Variants in RBMS2 observed in about 807,000 individuals in gnomAD.
RBMS2 encodes the protein RNA binding motif single stranded interacting protein 2, also known as RNA-binding motif, single-stranded-interacting protein 2.
A neutral mutation model predicts 58.4 loss-of-function variants in RBMS2; 38 were observed. The ratio of observed to expected loss-of-function variants is 0.65; its 90% CI spans 0.50 to 0.85. The LOEUF is 0.85. Ranked by LOEUF, RBMS2 falls within the 40% of genes least tolerant of loss-of-function variation. The pLI is 0.00. For synonymous variants in RBMS2, 151 were observed against 180.7 expected (o/e 0.84, Z 1.32); for missense variants, 367 against 503.7 (o/e 0.73, Z 2.60).
At position 56,532,593 on chromosome 12, in the gene RBMS2, C is replaced by T. The variant is rs150902186; in HGVS notation, c.66+10504C>T. ...TAAAAAAAAACTTTTTCTTCTTCTT[C>T]TAGCCATTGTTTCATTTCTCTTCTT... On this transcript the variant is annotated intron_variant, in intron 1 of 13. Coordinates refer to ENST00000262031, the MANE Select transcript of RBMS2 (RefSeq NM_002898.4). Among the ~76,000 whole-genome samples, 28 of 151,968 alleles carry T rather than the reference C, an allele frequency of 1.8e-4. 1 individual carries two copies. In the East Asian group the frequency reaches 4.4e-3, roughly 24 times the overall value.
At chr12:56,568,158 T>C (rs1179192380) in intron 2 of RBMS2, among the ~76,000 whole-genome samples, 1 of 152,168 alleles carries the variant, frequency 6.6e-6, no homozygotes, top group African/African-American at 2.4e-5. Flanking sequence ...CCAAAGCAAT[T>C]TGGCTCAGGT....
intron 1 of RBMS2, among the ~76,000 whole-genome samples, chr12:56,545,757 T>C (rs1877050970): frequency 6.6e-6 from 1 of 152,182 alleles, no homozygotes; most frequent in South Asian, 2.1e-4. Flanking sequence ...CATGTATCAG[T>C]ACTTTCTTCC....
chr12:56,547,815 A>AT (rs1297665624), intron 1 of RBMS2, among the ~76,000 whole-genome samples: 14 of 151,004 alleles, frequency 9.3e-5, no homozygotes, highest in East Asian at 2.0e-4. Flanking sequence ...CGCCTGGCTA[A>AT]TTTTTTTTGT....
intron 2 of RBMS2, among the ~76,000 whole-genome samples, chr12:56,564,956 G>A (rs536599216): frequency 1.3e-5 from 2 of 152,238 alleles, no homozygotes; most frequent in African/African-American, 2.4e-5. Context: ...AGGTTGTAGT[G>A]AGCCGAGATC....
chr12:56,551,119 CAAA>C (rs567646796), intron 1 of RBMS2, among the ~76,000 whole-genome samples: 1 of 91,986 alleles, frequency 1.1e-5, no homozygotes, highest in Admixed American at 1.2e-4. Flanking sequence ...GACCCTGTTT[CAAA>C]AAAAAAAAAA....
intron 1 of RBMS2, among the ~76,000 whole-genome samples, chr12:56,530,500 A>G (rs996054529): frequency 6.6e-6 from 1 of 151,584 alleles, no homozygotes; most frequent in African/African-American, 2.4e-5. Context: ...AGCTGGGACT[A>G]CTGGCTCACG....
chr12:56,569,969 T>C lies in RBMS2; in HGVS notation c.363T>C (p.Gly121=), dbSNP rs756440860. 6.2e-7 allele frequency: 1 copy of C among 1,613,398 alleles called. No individual in the cohort carries two copies. Residue 121 remains glycine (G), a synonymous_variant, in exon 4 of 14, where the codon GGT becomes GGC. Transcript: ENST00000262031. ...QKAVTALKAS[G]VQAQMAKQQE... The stretch of plus-strand genomic sequence containing the variant: ...CTGTAACAGCACTGAAGGCCAGCGG[T>C]GTACAGGCACAGATGGCAAAGGTAA...
At chr12:56,522,409 T>C (rs1189351337) in intron 1 of RBMS2, among the ~76,000 whole-genome samples, 1 of 152,174 alleles carries the variant, frequency 6.6e-6, no homozygotes, top group East Asian at 1.9e-4. Flanking sequence ...AAGGATAATA[T>C]GTCATTTCAG....
intron 5 of RBMS2, among the ~76,000 whole-genome samples, chr12:56,577,456 AATTATTATTATTATT>A (rs138810999): frequency 1.4e-5 from 2 of 145,728 alleles, no homozygotes; most frequent in South Asian, 2.2e-4. Flanking sequence ...GTTCATACAA[AATTATTATTATTATT>A]ATTATTATTA....
At chr12:56,528,916 ACT>A (rs2136241599) in intron 1 of RBMS2, among the ~76,000 whole-genome samples, 1 of 151,986 alleles carries the variant, frequency 6.6e-6, no homozygotes, top group South Asian at 2.1e-4. Flanking sequence ...ACAGAGCAAG[ACT>A]CTGTATCAAA....
At chr12:56,538,500 C>T (rs1300490728) in intron 1 of RBMS2, among the ~76,000 whole-genome samples, 1 of 107,652 alleles carries the variant, frequency 9.3e-6, no homozygotes. Flanking sequence ...TTTTCTGAGA[C>T]GGAGTCTCAG....
intron 1 of RBMS2, among the ~76,000 whole-genome samples, chr12:56,526,414 C>T (rs1465812543): frequency 6.6e-6 from 1 of 151,866 alleles, no homozygotes; most frequent in East Asian, 1.9e-4. Context: ...CCTGAGGAGC[C>T]CATGACAGTC....
At chr12:56,587,421 G>A in intron 10 of RBMS2, 133 bp from the exon 11 acceptor site, 3 of 838,616 alleles carry the variant, frequency 3.6e-6, no homozygotes, top group Non-Finnish European at 5.4e-6. Flanking sequence ...TTGCATAGTT[G>A]GGTTGCTGCT....
At position 56,570,002 on chromosome 12, in the gene RBMS2, AC is replaced by A; in HGVS notation, c.384+16del. 6.3e-7 allele frequency: 1 copy of A among 1,596,658 alleles called. No individual in the cohort carries two copies. The highest frequency in any genetic ancestry group is 8.6e-7 in the Non-Finnish European group (1 of 1,164,328). ...CACAGATGGCAAAGGTAAGGGTACT[AC>A]CCCATGTCTGTTCCTCCAAGGGGTT... is the stretch of plus-strand genomic sequence containing the variant. On this transcript the variant is annotated intron_variant, in intron 4 of 13. Coordinates refer to ENST00000262031, the MANE Select transcript of RBMS2 (RefSeq NM_002898.4).
intron 1 of RBMS2, among the ~76,000 whole-genome samples, chr12:56,549,389 T>C (rs1034989415): frequency 3.3e-5 from 5 of 152,150 alleles, no homozygotes; most frequent in African/African-American, 1.2e-4. Context: ...AAAGATCTGA[T>C]GAAAACCTAG....
intron 5 of RBMS2, among the ~76,000 whole-genome samples, chr12:56,577,993 T>C (rs1157565544): frequency 6.6e-6 from 1 of 151,996 alleles, no homozygotes; most frequent in African/African-American, 2.4e-5. Context: ...CGGCCTAATT[T>C]TTTAATTTTT....
chr12:56,551,978 C>T (rs1161682573), intron 1 of RBMS2, among the ~76,000 whole-genome samples: 8 of 152,104 alleles, frequency 5.3e-5, no homozygotes, highest in Admixed American at 3.3e-4. Context: ...GTCCCAGGTA[C>T]GTGGGAGGCT....
intron 1 of RBMS2, among the ~76,000 whole-genome samples, chr12:56,536,200 C>CA (rs71446560): frequency 0.028 from 2,151 of 76,328 alleles, 98 homozygotes; most frequent in African/African-American, 0.049. Context: ...AACTCTGTCT[C>CA]AAAAAAAAAA....
At chr12:56,553,683 T>G (rs962775348) in intron 1 of RBMS2, among the ~76,000 whole-genome samples, 6 of 152,040 alleles carry the variant, frequency 3.9e-5, no homozygotes, top group Non-Finnish European at 8.8e-5. Flanking sequence ...CCCAGGCTGG[T>G]CTCAAACTCC....
Sources: allele counts gnomAD v4.1 joint callset (sites outside exome capture counted in the v4.1 genomes callset), GRCh38; gene constraint gnomAD v4.1.1; transcripts MANE v1.5; gene names NCBI Gene and HGNC (gene_info 2026-07-23, HGNC 2026-07-21).